SNTG2: variants seen among roughly 807,000 people sequenced by gnomAD.
SNTG2 encodes syntrophin gamma 2.
A neutral mutation model predicts 70.9 loss-of-function variants in SNTG2; 74 were observed. That is an observed-to-expected ratio of 1.04 (90% CI 0.86 to 1.27). The LOEUF (loss-of-function observed/expected upper bound fraction) is 1.27, where lower values mean the gene tolerates loss of function less well. Among genes scored for constraint, SNTG2 ranks in the 50% most tolerant of loss-of-function variants. SNTG2 has a pLI of 0.00. For missense variants in SNTG2, 717 were observed against 690.7 expected, an observed-to-expected ratio of 1.04 and a Z score of -0.43; for synonymous variants, 278 against 273.8, an observed-to-expected ratio of 1.02 and a Z score of -0.15.
intron 1 of SNTG2, among the ~76,000 whole-genome samples, chr2:952,121 T>C (rs1422406755): frequency 6.6e-6 from 1 of 152,214 alleles, no homozygotes; most frequent in Non-Finnish European, 1.5e-5. Flanking sequence ...AATATGAAAA[T>C]TAAATTTCAT....
intron 4 of SNTG2, among the ~76,000 whole-genome samples, chr2:1,106,420 T>A (rs1666156700): frequency 8.3e-6 from 1 of 119,852 alleles, no homozygotes; most frequent in African/African-American, 3.3e-5. Flanking sequence ...TGTGGAGAGC[T>A]CCTTGATAAT....
At chr2:985,271 T>C (rs542112777) in intron 1 of SNTG2, among the ~76,000 whole-genome samples, 238 of 152,238 alleles carry the variant, frequency 1.6e-3, no homozygotes, top group Non-Finnish European at 2.6e-3. Flanking sequence ...CCTGCAGCCA[T>C]TAAACAGAAA....
intron 12 of SNTG2, among the ~76,000 whole-genome samples, chr2:1,251,308 T>C (rs1227784570): frequency 6.6e-6 from 1 of 152,238 alleles, no homozygotes; most frequent in East Asian, 1.9e-4. Context: ...AGTTTCATAA[T>C]TTAAATTTTT....
chr2:1,026,543 G>T (rs780567388), intron 1 of SNTG2, among the ~76,000 whole-genome samples: 1 of 152,194 alleles, frequency 6.6e-6, no homozygotes, highest in Non-Finnish European at 1.5e-5. Flanking sequence ...AGATATCATT[G>T]TACGGGCTAG....
At chr2:1,117,059 G>A (rs946737009) in intron 4 of SNTG2, among the ~76,000 whole-genome samples, 1 of 128,904 alleles carries the variant, frequency 7.8e-6, no homozygotes, top group Admixed American at 8.0e-5. Context: ...GTGCTCTGGT[G>A]TGTGGGTGCC....
intron 1 of SNTG2, among the ~76,000 whole-genome samples, chr2:982,271 T>C (rs1001470538): frequency 2.0e-5 from 3 of 152,230 alleles, no homozygotes; most frequent in Non-Finnish European, 4.4e-5. Context: ...GTGTATACAT[T>C]GTTTTAATAT....
chr2:1,065,644 G>C (rs192437385), intron 1 of SNTG2, among the ~76,000 whole-genome samples: 1 of 152,168 alleles, frequency 6.6e-6, no homozygotes, highest in Non-Finnish European at 1.5e-5. Context: ...TTAGCAATAC[G>C]TTGCAAATCA....
intron 11 of SNTG2, among the ~76,000 whole-genome samples, chr2:1,240,352 C>A (rs1676965395): frequency 6.6e-6 from 1 of 152,144 alleles, no homozygotes; most frequent in Admixed American, 6.5e-5. Flanking sequence ...CTGCTCACTT[C>A]CCACGTCTAT....
At chr2:1,034,362 G>A (rs534394922) in intron 1 of SNTG2, among the ~76,000 whole-genome samples, 1 of 152,310 alleles carries the variant, frequency 6.6e-6, no homozygotes, top group East Asian at 1.9e-4. Context: ...CCACTGATGA[G>A]TATTTGGTTG....
At chr2:1,209,368 A>G in intron 9 of SNTG2, 138 bp downstream of exon 9, 2 of 1,069,536 alleles carry the variant, frequency 1.9e-6, no homozygotes, top group South Asian at 1.5e-5. Context: ...TAGATTTAGC[A>G]TTTGGAATAA....
chr2:1,102,597 G>A (rs1665851043), intron 4 of SNTG2: 1 of 152,350 alleles, frequency 6.6e-6, no homozygotes, highest in African/African-American at 2.4e-5. Flanking sequence ...GTCCTGGGTT[G>A]TTGAGTGAAT....
chr2:984,688 C>T (rs932673372), intron 1 of SNTG2, among the ~76,000 whole-genome samples: 11 of 152,162 alleles, frequency 7.2e-5, no homozygotes, highest in Non-Finnish European at 1.5e-4. Context: ...CAGCGGCCTC[C>T]ATGAGGGCAC....
chr2:1,323,961 T>G (rs887882237), intron 16 of SNTG2, among the ~76,000 whole-genome samples: 1 of 151,952 alleles, frequency 6.6e-6, no homozygotes, highest in East Asian at 1.9e-4. Flanking sequence ...GACAGTCACA[T>G]GGCTAAGACC....
At chr2:1,271,782 T>A (rs1679032607) in intron 14 of SNTG2, among the ~76,000 whole-genome samples, 1 of 152,254 alleles carries the variant, frequency 6.6e-6, no homozygotes, top group Admixed American at 6.5e-5. Context: ...CCAGCCTAGG[T>A]CATGAGCCCA....
chr2:1,228,964 T>C (rs541956997), intron 9 of SNTG2, among the ~76,000 whole-genome samples: 4 of 152,112 alleles, frequency 2.6e-5, no homozygotes, highest in Admixed American at 6.5e-5. Context: ...AGGCGGTGCG[T>C]CTGGAGTTGT....
chr2:1,223,645 G>C (rs1675525565), intron 9 of SNTG2, among the ~76,000 whole-genome samples: 1 of 152,240 alleles, frequency 6.6e-6, no homozygotes, highest in Non-Finnish European at 1.5e-5. Context: ...AACTATCAGT[G>C]ACATCATTCG....
intron 2 of SNTG2, among the ~76,000 whole-genome samples, chr2:1,096,704 T>G (rs1239628819): frequency 6.6e-6 from 1 of 152,204 alleles, no homozygotes; most frequent in African/African-American, 2.4e-5. Context: ...TACTGCATCT[T>G]CTTTATTCTC....
intron 8 of SNTG2, among the ~76,000 whole-genome samples, chr2:1,199,909 A>G (rs946437049): frequency 3.9e-5 from 6 of 152,136 alleles, no homozygotes; most frequent in African/African-American, 1.4e-4. Context: ...ATGGATCAAA[A>G]GAATTAATAT....
intron 1 of SNTG2, among the ~76,000 whole-genome samples, chr2:1,018,513 T>C (rs1422941612): frequency 6.6e-6 from 1 of 151,890 alleles, no homozygotes; most frequent in Admixed American, 6.6e-5. Flanking sequence ...GTGGAGGCTG[T>C]GCAGTCAGGG....
Sources: allele counts gnomAD v4.1 joint callset (sites outside exome capture counted in the v4.1 genomes callset), GRCh38; gene constraint gnomAD v4.1.1; transcripts MANE v1.5; gene names NCBI Gene and HGNC (gene_info 2026-07-23, HGNC 2026-07-21).